Variants in DAP3 observed in about 807,000 individuals in gnomAD.
DAP3 encodes the protein small ribosomal subunit protein mS29.
Under a neutral mutation model 51.9 loss-of-function variants are expected in DAP3, and 28 were observed. The ratio of observed to expected loss-of-function variants is 0.54; its 90% CI spans 0.40 to 0.74. The LOEUF (loss-of-function observed/expected upper bound fraction) is 0.74. DAP3 is among the 30% of genes least tolerant of loss of function. DAP3 has a pLI of 0.00. For missense variants in DAP3, 458 were observed against 483.5 expected (o/e 0.95, Z 0.49); for synonymous variants, 170 against 170.3 (o/e 1.00, Z 0.01).
chr1:155,700,535 C>G (rs1163249238), intron 1 of DAP3, among the ~76,000 whole-genome samples: 3 of 151,078 alleles, frequency 2.0e-5, no homozygotes, highest in East Asian at 4.0e-4. Context: ...GTCAGCCCCC[C>G]GCCCGGCCAG....
upstream of DAP3, chr1:155,689,030 G>C: frequency 6.3e-7 from 1 of 1,577,856 alleles, no homozygotes; most frequent in Admixed American, 1.8e-5. Flanking sequence ...CCGGCCGGTG[G>C]TTGGAGGCCG....
chr1:155,718,328 G>A (rs1657559834), intron 3 of DAP3, among the ~76,000 whole-genome samples: 1 of 152,100 alleles, frequency 6.6e-6, no homozygotes, highest in South Asian at 2.1e-4. Flanking sequence ...AGAAGTTGCA[G>A]TGAGCCAAGA....
chr1:155,736,304 C>T (rs913208085), intron 11 of DAP3, among the ~76,000 whole-genome samples: 4 of 152,126 alleles, frequency 2.6e-5, no homozygotes, highest in African/African-American at 9.7e-5. Flanking sequence ...AAATATGAAA[C>T]ATTAACTTTG....
chr1:155,725,862 C>G (rs1032962713), intron 5 of DAP3, 65 bp from the exon 6 acceptor site: 2 of 1,499,720 alleles, frequency 1.3e-6, no homozygotes, highest in African/African-American at 2.8e-5. Flanking sequence ...CAAAACAAAG[C>G]ATAACTACTG....
At chr1:155,717,309 C>T (rs1173630728) in intron 3 of DAP3, among the ~76,000 whole-genome samples, 181 bp downstream of exon 3, 1 of 152,160 alleles carries the variant, frequency 6.6e-6, no homozygotes, top group Non-Finnish European at 1.5e-5. Flanking sequence ...ACTGTGGTAA[C>T]ATACACTGGC....
chr1:155,689,209 T>G, intron 1 of DAP3, 35 bp downstream of exon 1: 1 of 704,930 alleles, frequency 1.4e-6, no homozygotes, highest in Admixed American at 2.0e-5. Context: ...ATTGTACCGC[T>G]GAGGGAAAGG....
intron 11 of DAP3, among the ~76,000 whole-genome samples, chr1:155,735,438 A>G (rs1159365228): frequency 4.6e-5 from 7 of 151,058 alleles, no homozygotes; most frequent in Admixed American, 1.3e-4. Flanking sequence ...TTAGCTGGGC[A>G]TGGTGGTGCA....
intron 2 of DAP3, among the ~76,000 whole-genome samples, 169 bp from the exon 3 acceptor site, chr1:155,716,837 C>T (rs544570828): frequency 6.6e-6 from 1 of 151,648 alleles, no homozygotes. Flanking sequence ...ATCCCAGTTA[C>T]TCAGGAAGCT....
At chr1:155,702,342 G>A (rs1420405999) in intron 1 of DAP3, among the ~76,000 whole-genome samples, 4 of 152,034 alleles carry the variant, frequency 2.6e-5, no homozygotes, top group Middle Eastern at 3.4e-3. Context: ...GCATGGTGGC[G>A]GGTGCCTGTA....
upstream of DAP3, chr1:155,688,671 G>A: frequency 1.3e-6 from 2 of 1,532,566 alleles, no homozygotes; most frequent in Non-Finnish European, 1.7e-6. Flanking sequence ...TCAGCGGCGC[G>A]AGCCCAAGCC....
At chr1:155,688,631 C>T (rs1386998240), upstream of DAP3, 38 of 1,534,578 alleles carry the variant, frequency 2.5e-5, no homozygotes, top group Non-Finnish European at 3.3e-5. Context: ...CCTGTCAAGC[C>T]GGCTCCAGCG....
At position 155,725,506 on chromosome 1, in the gene DAP3, T is replaced by C. The variant is rs758651594; in HGVS notation, c.379+16T>C. The C allele has an allele frequency of 2.5e-6, 4 of 1,598,498 alleles. No homozygotes were observed. The African/African-American group carries it at 5.4e-5, about 21-fold the overall frequency. On this transcript the variant is annotated intron_variant, in intron 5 of 12. Transcript: ENST00000368336. ...TATCTTCTGTGTATCCTTTCCTGCC[T>C]GCGTGGACCCTCATGAACCAATGCT... is the stretch of plus-strand genomic sequence containing the variant.
Position 155,738,972 on chromosome 1 carries a change from A to AAATAAATAAATAAAT in DAP3, c.*732_*733insTAAATAAATAAATAA, listed in dbSNP as rs1553192849. 1.6e-4 allele frequency: 23 copies of AAATAAATAAATAAAT among 144,432 alleles called. No individual in the cohort carries two copies. The highest frequency in any genetic ancestry group is 1.1e-3 in the South Asian group (5 of 4,452). 8.9% of individuals were successfully genotyped at this position (144,432 alleles called of 1,614,324 possible). On this transcript the variant is annotated 3_prime_UTR_variant, in exon 13 of 13. Coordinates refer to ENST00000368336, the MANE Select transcript of DAP3 (RefSeq NM_004632.4). ...GGGCAGCAGAGCAAGACTCCGTCTC[A>AAATAAATAAATAAAT]AAATAAATAAATAAATAAATAAATA...
At chr1:155,732,160 C>A in intron 11 of DAP3, 127 bp downstream of exon 11, 1 of 651,988 alleles carries the variant, frequency 1.5e-6, no homozygotes, top group South Asian at 2.4e-5. Context: ...GTATGCCCTT[C>A]CCCTGGATTC....
chr1:155,728,032 C>T (rs1658798794), intron 7 of DAP3, among the ~76,000 whole-genome samples: 3 of 151,940 alleles, frequency 2.0e-5, no homozygotes, highest in Admixed American at 1.3e-4. Flanking sequence ...TTTCCAACTA[C>T]ATGATTTTCT....
rs757669207 is a variant in DAP3, at chr1:155,729,215, C to G, written c.692C>G (p.Thr231Arg). 2.8e-5 allele frequency: 45 copies of G among 1,614,068 alleles called. No individual in the cohort carries two copies. Among genetic ancestry groups the G allele is most frequent in the Non-Finnish European group, 3.7e-5 (44 of 1,180,046 alleles). Residue 231 changes from threonine (T) to arginine (R), a missense_variant, in exon 9 of 13, where the codon ACA becomes AGA. Transcript: ENST00000368336. ...CACTGTCTCTCCCAATAGGGCATAACACGGGTGAGGAACGCCACAGATGCA... is the reference window on the plus strand; with the variant it reads ...CACTGTCTCTCCCAATAGGGCATAAGACGGGTGAGGAACGCCACAGATGCA... ...PLGEVVEQGI[T>R]RVRNATDAVG...
chr1:155,688,300 T>G, upstream of DAP3: 1 of 1,568,166 alleles, frequency 6.4e-7, no homozygotes, highest in Non-Finnish European at 8.6e-7. Context: ...TCGTTTCCCC[T>G]CGCAAAGCGA....
Position 155,689,103 on chromosome 1 carries a change from C to T in DAP3, c.-79C>T, listed in dbSNP as rs1272347885. On this transcript the variant is annotated 5_prime_UTR_variant, in exon 1 of 13. It adds an upstream start codon to the 5' untranslated region. Transcript: ENST00000368336. ...CCGACCCTTTTTTGCAGTCTCAGGA[C>T]GGGCGCTTTGGAGCCGGCCCCAGGC... 1.9e-5 allele frequency: 25 copies of T among 1,332,104 alleles called. No homozygotes were observed. The highest frequency in any genetic ancestry group is 2.1e-4 in the Middle Eastern group (1 of 4,674). 82.5% of individuals were successfully genotyped at this position (1,332,104 alleles called of 1,614,324 possible).
intron 3 of DAP3, among the ~76,000 whole-genome samples, chr1:155,719,520 GC>G (rs1657742899): frequency 6.6e-6 from 1 of 151,374 alleles, no homozygotes; most frequent in Admixed American, 6.6e-5. Flanking sequence ...ACAGGCATGA[GC>G]CACTGTGCCC....
Sources: gnomAD v4.1 joint callset for allele counts (sites outside exome capture counted in the v4.1 genomes callset) on GRCh38, gnomAD v4.1.1 for gene constraint, MANE v1.5 for transcripts, NCBI Gene and HGNC (gene_info 2026-07-23, HGNC 2026-07-21) for gene names.